SNX29: variants seen among roughly 807,000 people sequenced by gnomAD.
SNX29 encodes sorting nexin-29.
Under a neutral mutation model 102.1 loss-of-function variants are expected in SNX29, and 78 were observed. The observed-to-expected ratio is 0.76, with a 90% CI of 0.64 to 0.92. The LOEUF is 0.92. Among genes scored for constraint, SNX29 ranks in the 40% least tolerant of loss-of-function variants. The pLI is 0.00. For missense variants in SNX29, 1,280 were observed against 1,061.7 expected (o/e 1.21, Z -2.86); for synonymous variants, 580 against 414.5 (o/e 1.40, Z -4.85).
At chr16:11,996,304 A>T (rs2056071682) in intron 1 of SNX29, among the ~76,000 whole-genome samples, 1 of 152,214 alleles carries the variant, frequency 6.6e-6, no homozygotes, top group Admixed American at 6.5e-5. Flanking sequence ...GAGTCGATTG[A>T]ACCCAGGAGG....
intron 15 of SNX29, among the ~76,000 whole-genome samples, chr16:12,281,448 G>T (rs2079427715): frequency 6.6e-6 from 1 of 152,170 alleles, no homozygotes; most frequent in South Asian, 2.1e-4. Context: ...TGGCTGGTGG[G>T]CATCTTGTGC....
intron 13 of SNX29, among the ~76,000 whole-genome samples, chr16:12,141,759 A>G (rs2054878000): frequency 6.6e-6 from 1 of 152,202 alleles, no homozygotes; most frequent in South Asian, 2.1e-4. Flanking sequence ...GAGGACGACC[A>G]GAGGTCACTT....
At chr16:12,472,380 C>T (rs1257979127) in intron 18 of SNX29, among the ~76,000 whole-genome samples, 2 of 151,822 alleles carry the variant, frequency 1.3e-5, no homozygotes, top group Non-Finnish European at 2.9e-5. Flanking sequence ...ATTAGCCAGG[C>T]GTGTGGCAGG....
At chr16:12,395,030 T>C (rs2083668952) in intron 16 of SNX29, among the ~76,000 whole-genome samples, 1 of 152,192 alleles carries the variant, frequency 6.6e-6, no homozygotes, top group Non-Finnish European at 1.5e-5. Flanking sequence ...TGGTAATTTT[T>C]TTTACCACAA....
chr16:12,136,092 C>G (rs777707412), intron 13 of SNX29, among the ~76,000 whole-genome samples: 1 of 152,260 alleles, frequency 6.6e-6, no homozygotes, highest in Non-Finnish European at 1.5e-5. Flanking sequence ...CTTGCGGTTA[C>G]TCTCCTGTTG....
intron 14 of SNX29, among the ~76,000 whole-genome samples, chr16:12,204,796 C>T (rs2077004201): frequency 6.6e-6 from 1 of 152,266 alleles, no homozygotes; most frequent in Non-Finnish European, 1.5e-5. Context: ...CCTGGCTCCA[C>T]ACCCACATGT....
At chr16:12,172,511 C>T (rs2076171799) in intron 13 of SNX29, among the ~76,000 whole-genome samples, 1 of 146,444 alleles carries the variant, frequency 6.8e-6, no homozygotes. Context: ...TCCTTCACCT[C>T]TCCTTCACCT....
intron 19 of SNX29, among the ~76,000 whole-genome samples, chr16:12,519,440 G>T (rs774266962): frequency 6.6e-6 from 1 of 152,180 alleles, no homozygotes; most frequent in Non-Finnish European, 1.5e-5. Flanking sequence ...CACAGGCTAG[G>T]TCTTAGATAA....
At chr16:12,080,432 A>C (rs1406692140) in intron 11 of SNX29, among the ~76,000 whole-genome samples, 1 of 152,230 alleles carries the variant, frequency 6.6e-6, no homozygotes, top group Non-Finnish European at 1.5e-5. Context: ...TAGATCACTC[A>C]GTCCATGGGA....
intron 8 of SNX29, among the ~76,000 whole-genome samples, chr16:12,053,973 G>GTT (rs963096658): frequency 1.4e-5 from 2 of 145,088 alleles, no homozygotes; most frequent in Non-Finnish European, 1.5e-5. Context: ...GTCAGTTTTT[G>GTT]TTTTTTTTTT....
intron 18 of SNX29, among the ~76,000 whole-genome samples, chr16:12,428,297 A>G (rs1436943257): frequency 4.6e-5 from 7 of 152,202 alleles, no homozygotes; most frequent in Admixed American, 3.9e-4. Context: ...CAATTTGGAC[A>G]TTGGAATGGC....
chr16:12,265,004 C>T (rs575239738), intron 14 of SNX29, among the ~76,000 whole-genome samples: 2 of 152,110 alleles, frequency 1.3e-5, no homozygotes, highest in Non-Finnish European at 2.9e-5. Flanking sequence ...TTGGAATGAG[C>T]TGTTTTCTGT....
At chr16:12,459,867 T>A (rs918640723) in intron 18 of SNX29, among the ~76,000 whole-genome samples, 3 of 152,180 alleles carry the variant, frequency 2.0e-5, no homozygotes, top group Admixed American at 1.3e-4. Flanking sequence ...CATAGTGAAC[T>A]GGCCTTTCTT....
At chr16:12,550,094 G>A (rs546154780) in intron 20 of SNX29, among the ~76,000 whole-genome samples, 1 of 152,166 alleles carries the variant, frequency 6.6e-6, no homozygotes, top group Non-Finnish European at 1.5e-5. Flanking sequence ...GCCAACCTAT[G>A]GGCTAGAATA....
rs2076667767 is a variant in SNX29, at chr16:12,192,493, CT to C, written c.1596-7106del. ...TTTCCACATAGCAAGTCTGCATTCC[CT>C]TGCTTGACACCTTTTTAATTTATTT... On this transcript the variant is annotated intron_variant, in intron 13 of 20. Transcript: ENST00000566228. Among the ~76,000 whole-genome samples the C allele has an allele frequency of 2.6e-5, 4 of 152,214 alleles. No individual in the cohort carries two copies. The South Asian group carries it at 8.3e-4, about 32-fold the overall frequency.
intron 20 of SNX29, among the ~76,000 whole-genome samples, chr16:12,550,958 A>G (rs1200026071): frequency 6.6e-6 from 1 of 152,206 alleles, no homozygotes; most frequent in Non-Finnish European, 1.5e-5. Context: ...TAAAGGTAGA[A>G]TGGGCTTAGG....
intron 20 of SNX29, among the ~76,000 whole-genome samples, chr16:12,531,878 A>G (rs189516469): frequency 2.0e-5 from 3 of 152,314 alleles, no homozygotes; most frequent in Admixed American, 1.3e-4. Flanking sequence ...GGCATGCCTC[A>G]GGAAATGTAT....
intron 20 of SNX29, among the ~76,000 whole-genome samples, chr16:12,546,047 A>ATGGGAGTGAAGCAGTCC (rs1567166107): frequency 6.6e-6 from 1 of 152,184 alleles, no homozygotes; most frequent in Non-Finnish European, 1.5e-5. Flanking sequence ...AGTACACATG[A>ATGGGAGTGAAGCAGTCC]TGGGAGTGAA....
intron 18 of SNX29, among the ~76,000 whole-genome samples, chr16:12,410,472 G>A (rs2084355310): frequency 6.6e-6 from 1 of 151,842 alleles, no homozygotes; most frequent in African/African-American, 2.4e-5. Context: ...TTGGAGACAG[G>A]GTCTCGCTTT....
Sources: allele counts gnomAD v4.1 joint callset (sites outside exome capture counted in the v4.1 genomes callset), GRCh38; gene constraint gnomAD v4.1.1; transcripts MANE v1.5; gene names NCBI Gene and HGNC (gene_info 2026-07-23, HGNC 2026-07-21).